Variants in GMDS observed in about 807,000 individuals in gnomAD.
The protein encoded by GMDS is GDP-mannose 4,6-dehydratase, also known as GDP-mannose 4,6 dehydratase.
Under a neutral mutation model 49.9 loss-of-function variants are expected in GMDS, and 20 were observed. The ratio of observed to expected loss-of-function variants is 0.40; its 90% CI spans 0.28 to 0.58. The LOEUF is 0.58. Among genes scored for constraint, GMDS ranks in the 20% least tolerant of loss-of-function variants. GMDS has a pLI of 0.42. For synonymous variants in GMDS, 177 were observed against 178.6 expected (o/e 0.99, Z 0.07); for missense variants, 362 against 481.4 (o/e 0.75, Z 2.32).
intron 4 of GMDS, among the ~76,000 whole-genome samples, chr6:1,989,724 A>G (rs1327458136): frequency 6.6e-6 from 1 of 152,000 alleles, no homozygotes; most frequent in Non-Finnish European, 1.5e-5. Context: ...CCTCGGCCTG[A>G]CCCTCATCTG....
At chr6:1,932,815 G>A (rs570572468) in intron 6 of GMDS, among the ~76,000 whole-genome samples, 3 of 152,198 alleles carry the variant, frequency 2.0e-5, no homozygotes, top group Non-Finnish European at 4.4e-5. Context: ...TGGGATTACA[G>A]GCATGAGCCA....
At chr6:1,831,352 T>C (rs1490111828) in intron 7 of GMDS, among the ~76,000 whole-genome samples, 2 of 152,224 alleles carry the variant, frequency 1.3e-5, no homozygotes, top group African/African-American at 4.8e-5. Context: ...TCAGTTTCTT[T>C]AGTAAAACGA....
At chr6:2,006,860 G>T (rs1767217309) in intron 4 of GMDS, among the ~76,000 whole-genome samples, 1 of 152,198 alleles carries the variant, frequency 6.6e-6, no homozygotes, top group Non-Finnish European at 1.5e-5. Context: ...GCAACTGGGA[G>T]AATTATTTGC....
At chr6:1,986,223 G>A (rs1256666931) in intron 4 of GMDS, among the ~76,000 whole-genome samples, 1 of 152,100 alleles carries the variant, frequency 6.6e-6, no homozygotes, top group Non-Finnish European at 1.5e-5. Flanking sequence ...GTTTTCTAAA[G>A]TCAGGTGAGA....
chr6:2,193,610 G>GT (rs1301743958), intron 1 of GMDS, among the ~76,000 whole-genome samples: 1 of 151,866 alleles, frequency 6.6e-6, no homozygotes, highest in Non-Finnish European at 1.5e-5. Flanking sequence ...AATAACATGT[G>GT]TAATTAGGAT....
chr6:2,108,606 GAACAATGTTTTA>G (rs1774370075), intron 4 of GMDS, among the ~76,000 whole-genome samples: 1 of 152,180 alleles, frequency 6.6e-6, no homozygotes, highest in South Asian at 2.1e-4. Context: ...AGCAAGGAAA[GAACAATGTTTTA>G]AACTCAAACT....
chr6:1,684,670 C>T (rs1764910153), intron 9 of GMDS, among the ~76,000 whole-genome samples: 1 of 152,164 alleles, frequency 6.6e-6, no homozygotes, highest in Admixed American at 6.5e-5. Context: ...GGGGGCAGGA[C>T]TGACTACAAA....
chr6:1,795,165 A>T (rs1769690358), intron 7 of GMDS, among the ~76,000 whole-genome samples: 2 of 152,194 alleles, frequency 1.3e-5, no homozygotes, highest in African/African-American at 4.8e-5. Context: ...GCACTACTGC[A>T]CTCTTGCCAA....
At chr6:1,889,953 G>A (rs1392677275) in intron 7 of GMDS, among the ~76,000 whole-genome samples, 1 of 151,934 alleles carries the variant, frequency 6.6e-6, no homozygotes. Context: ...GCTTTTTATG[G>A]TTGAATAATA....
Position 1,674,560 on chromosome 6 carries a change from C to CTTTTTTT in GMDS, c.988-50027_988-50021dup, listed in dbSNP as rs869292549. Among the ~76,000 whole-genome samples the CTTTTTTT allele has an allele frequency of 4.4e-3, 323 of 73,458 alleles. 13 individuals carry two copies. The highest frequency in any genetic ancestry group is 9.4e-3 in the Middle Eastern group (1 of 106). The allele number at this position is 73,458 out of a possible 152,430, so 48.2% of individuals were successfully genotyped here. ...CAACTCATCAACTCTCTCTCTCTCT[C>CTTTTTTT]TTTTTTTTTTTTTTTTTTTTTTTTG... On this transcript the variant is annotated intron_variant, in intron 9 of 10. Transcript: ENST00000380815.
At chr6:2,058,337 T>TAAAAAAAAAAAAAAAA (rs1770899035) in intron 4 of GMDS, among the ~76,000 whole-genome samples, 1 of 67,318 alleles carries the variant, frequency 1.5e-5, no homozygotes, top group Non-Finnish European at 2.8e-5. Context: ...AGAGTAAGAC[T>TAAAAAAAAAAAAAAAA]CAAAAAAAAA....
chr6:1,987,489 A>G (rs1371420782), intron 4 of GMDS, among the ~76,000 whole-genome samples: 1 of 152,176 alleles, frequency 6.6e-6, no homozygotes, highest in Non-Finnish European at 1.5e-5. Context: ...TTATAGCGCA[A>G]CACCTAAGGC....
chr6:1,755,317 C>T (rs1431696479), intron 7 of GMDS, among the ~76,000 whole-genome samples: 2 of 152,136 alleles, frequency 1.3e-5, no homozygotes, highest in Non-Finnish European at 2.9e-5. Flanking sequence ...ATACAACTTA[C>T]AAGAGATGTG....
At chr6:1,851,389 T>A (rs1379622337) in intron 7 of GMDS, among the ~76,000 whole-genome samples, 3 of 152,228 alleles carry the variant, frequency 2.0e-5, no homozygotes, top group Non-Finnish European at 4.4e-5. Flanking sequence ...TGATATCATT[T>A]CAACATTAAA....
intron 4 of GMDS, among the ~76,000 whole-genome samples, chr6:2,065,561 C>A (rs1277048712): frequency 6.6e-6 from 1 of 152,036 alleles, no homozygotes; most frequent in Non-Finnish European, 1.5e-5. Flanking sequence ...TAAACCAATA[C>A]AGAGAAGTGC....
chr6:1,692,230 A>T (rs4566918), intron 9 of GMDS, among the ~76,000 whole-genome samples: 6 of 152,238 alleles, frequency 3.9e-5, no homozygotes, highest in African/African-American at 7.2e-5. Flanking sequence ...GCTGCACTAT[A>T]GGCTTCCCTG....
intron 9 of GMDS, among the ~76,000 whole-genome samples, chr6:1,655,797 G>A (rs1174166547): frequency 6.6e-6 from 1 of 152,136 alleles, no homozygotes; most frequent in African/African-American, 2.4e-5. Flanking sequence ...GAGCCACCGC[G>A]CCTGGCTGTC....
intron 9 of GMDS, among the ~76,000 whole-genome samples, chr6:1,636,544 C>T (rs1380118344): frequency 6.6e-6 from 1 of 152,236 alleles, no homozygotes; most frequent in Non-Finnish European, 1.5e-5. Flanking sequence ...CATGTGAGAA[C>T]ACAGCCACCA....
intron 4 of GMDS, among the ~76,000 whole-genome samples, chr6:1,986,609 A>C (rs1270270113): frequency 1.3e-5 from 2 of 152,226 alleles, no homozygotes; most frequent in African/African-American, 2.4e-5. Context: ...GACTTTACAT[A>C]ATCAAACACT....
Sources: allele counts gnomAD v4.1 joint callset (sites outside exome capture counted in the v4.1 genomes callset), GRCh38; gene constraint gnomAD v4.1.1; transcripts MANE v1.5; gene names NCBI Gene and HGNC (gene_info 2026-07-23, HGNC 2026-07-21).